PRKCZ: variants seen among roughly 807,000 people sequenced by gnomAD.
PRKCZ encodes protein kinase C zeta type.
PRKCZ carries 33 observed loss-of-function variants against 79.5 expected under a neutral mutation model. That is an observed-to-expected ratio of 0.41 (90% CI 0.31 to 0.55). The LOEUF is 0.55. Among genes scored for constraint, PRKCZ ranks in the 20% least tolerant of loss-of-function variants. PRKCZ has a pLI of 0.19. For synonymous variants in PRKCZ, 342 were observed against 320.9 expected, an observed-to-expected ratio of 1.07 and a Z score of -0.70; for missense variants, 578 against 813.5, an observed-to-expected ratio of 0.71 and a Z score of 3.52.
At chr1:2,062,241 G>T (rs1176910593) in intron 4 of PRKCZ, among the ~76,000 whole-genome samples, 1 of 152,106 alleles carries the variant, frequency 6.6e-6, no homozygotes, top group Admixed American at 6.6e-5. Context: ...GGAACCCCGT[G>T]CCCGTCATCG....
intron 4 of PRKCZ, chr1:2,104,990 T>C (rs1668128719): frequency 1.1e-6 from 1 of 912,298 alleles, no homozygotes; most frequent in Admixed American, 6.2e-5. Flanking sequence ...CCACCCTGGC[T>C]TGTTGACCTT....
intron 10 of PRKCZ, among the ~76,000 whole-genome samples, chr1:2,159,489 G>A (rs1334517253): frequency 1.3e-5 from 2 of 152,232 alleles, no homozygotes; most frequent in Admixed American, 6.5e-5. Flanking sequence ...CACAGCTCCC[G>A]GGCCATATCC....
At position 2,050,411 on chromosome 1, in the gene PRKCZ, G is replaced by T. The variant is rs1222470710; in HGVS notation, c.-220G>T. On this transcript the variant is annotated 5_prime_UTR_variant, in exon 1 of 18. Transcript: ENST00000378567. ...CGCTGGCTCCACCTCGGTCCGCCAT[G>T]TTCGGACACCGCCCCCCGCCCCCGC... 2 of 181,668 alleles carry T rather than the reference G, an allele frequency of 1.1e-5. No individual in the cohort carries two copies. The highest frequency in any genetic ancestry group is 2.1e-3 in the Middle Eastern group (1 of 472). 11.3% of individuals were successfully genotyped at this position (181,668 alleles called of 1,614,324 possible).
At chr1:2,103,354 AT>A (rs1667824568) in intron 4 of PRKCZ, among the ~76,000 whole-genome samples, 1 of 152,224 alleles carries the variant, frequency 6.6e-6, no homozygotes, top group Non-Finnish European at 1.5e-5. Flanking sequence ...GTAAGGGTTT[AT>A]TTATCAAGAC....
chr1:2,139,684 A>G (rs1228828689), intron 5 of PRKCZ, among the ~76,000 whole-genome samples: 2 of 152,224 alleles, frequency 1.3e-5, no homozygotes, highest in Non-Finnish European at 2.9e-5. Context: ...TGGGACAGGC[A>G]TGGACCCTAC....
chr1:2,150,388 T>G (rs895558777), intron 8 of PRKCZ, among the ~76,000 whole-genome samples: 17 of 152,296 alleles, frequency 1.1e-4, no homozygotes, highest in African/African-American at 3.8e-4. Context: ...GCATTCGCTT[T>G]ACCTTCCTTC....
intron 1 of PRKCZ, among the ~76,000 whole-genome samples, chr1:2,053,259 C>T (rs1332857914): frequency 6.6e-6 from 1 of 152,126 alleles, no homozygotes; most frequent in Non-Finnish European, 1.5e-5. Flanking sequence ...CGCCACCACG[C>T]CCGGTTAACT....
intron 10 of PRKCZ, chr1:2,169,266 C>G (rs893290605): frequency 1.9e-6 from 1 of 534,976 alleles, no homozygotes; most frequent in Non-Finnish European, 3.6e-6. Context: ...CAAGTCCACA[C>G]ACAGTGGCCA....
chr1:2,055,491 G>A lies in PRKCZ; in HGVS notation c.122G>A (p.Cys41Tyr), dbSNP rs564900644. 7.4e-6 allele frequency: 12 copies of A among 1,614,100 alleles called. No individual in the cohort carries two copies. In the South Asian group the frequency reaches 1.2e-4, roughly 16 times the overall value. ...GCCGCCACGACCTTCGAGGAGCTCT[G>A]TGAGGAAGTGAGAGACATGTGTCGT... ...VDAATTFEEL[C>Y]EEVRDMCRLH... The change falls in exon 2 of 18, where the codon TGT becomes TAT. Residue 41 changes from cysteine (C) to tyrosine (Y), a missense_variant. Physicochemically the swap from Cys to Tyr is radical, Grantham distance 194 (BLOSUM62 -2). Around this residue, in one of 4 missense-constraint regions of PRKCZ, gnomAD observed 228 missense variants for 211.6 expected, o/e 1.08. Coordinates refer to ENST00000378567, the MANE Select transcript of PRKCZ (RefSeq NM_002744.6).
Position 2,135,323 on chromosome 1 carries a change from C to G in PRKCZ, c.396C>G (p.Leu132=). The change falls in exon 5 of 18, where the codon CTC becomes CTG. Residue 132 remains leucine, a synonymous_variant. Transcript: ENST00000378567. The part of the protein sequence containing the change: ...WRKLYRANGH[L]FQAKRFNRRA... ...AGCTGTACCGTGCCAACGGCCACCTCTTCCAAGCCAAGCGCTTTAACAGGG... is the reference window on the plus strand; with the variant it reads ...AGCTGTACCGTGCCAACGGCCACCTGTTCCAAGCCAAGCGCTTTAACAGGG... The G allele has an allele frequency of 6.2e-7, 1 of 1,613,256 alleles. No individual in the cohort carries two copies. The highest frequency in any genetic ancestry group is 8.5e-7 in the Non-Finnish European group (1 of 1,179,684).
rs1661096061 is a variant in PRKCZ, at chr1:2,066,034, A to G, written c.334+6443A>G. On this transcript the variant is annotated intron_variant, in intron 4 of 17. Coordinates refer to ENST00000378567, the MANE Select transcript of PRKCZ (RefSeq NM_002744.6). ...GCTCTTGGTGTGTAATTTTCTTGAT[A>G]TGCTGCCGAATTCATTTTACTAGTA... Among the ~76,000 whole-genome samples the G allele has an allele frequency of 2.6e-5, 4 of 152,166 alleles. No homozygotes were observed. The South Asian group carries it at 8.3e-4, about 32-fold the overall frequency.
At chr1:2,097,413 C>T (rs571890746) in intron 4 of PRKCZ, among the ~76,000 whole-genome samples, 9 of 152,304 alleles carry the variant, frequency 5.9e-5, no homozygotes, top group South Asian at 4.1e-4. Context: ...GGCCAGTGCC[C>T]CCCTGTGCTC....
chr1:2,078,812 C>G (rs1330592992), intron 4 of PRKCZ, among the ~76,000 whole-genome samples: 1 of 148,632 alleles, frequency 6.7e-6, no homozygotes, highest in Non-Finnish European at 1.5e-5. Context: ...TGTTCCCGTT[C>G]TTGTCTTTCG....
chr1:2,079,435 G>A (rs1402038082), intron 4 of PRKCZ, among the ~76,000 whole-genome samples: 1 of 152,246 alleles, frequency 6.6e-6, no homozygotes. Flanking sequence ...AACCCCAAGG[G>A]CTGGGCTTAA....
rs77527318 is a variant in PRKCZ at position 2,072,017 on chromosome 1, C to T, written c.334+12426C>T. Among the ~76,000 whole-genome samples, 474 of 152,348 alleles carry T rather than the reference C, an allele frequency of 3.1e-3. 23 individuals are homozygous for T. The East Asian group carries it at 0.078, about 25-fold the overall frequency. On this transcript the variant is annotated intron_variant, in intron 4 of 17. Transcript: ENST00000378567. ...TTCATTTTATTCAGCCAATTAAAAG[C>T]GTAGAAATCCTAGCTTGCTGATTTG... is the stretch of plus-strand genomic sequence containing the variant.
At chr1:2,171,266 C>T (rs1368813338) in intron 11 of PRKCZ, among the ~76,000 whole-genome samples, 1 of 149,036 alleles carries the variant, frequency 6.7e-6, no homozygotes, top group Non-Finnish European at 1.5e-5. Context: ...TGGCGTGAAC[C>T]TGTGGGCAGA....
At position 2,172,880 on chromosome 1, in the gene PRKCZ, G is replaced by T. The variant is rs372992449; in HGVS notation, c.1285+492G>T. 5.2e-3 allele frequency among the ~76,000 whole-genome samples: 786 copies of T among 152,324 alleles called. 10 individuals carry two copies. The highest frequency in any genetic ancestry group is 0.018 in the African/African-American group (745 of 41,572). ...GGCACGCGTGTGCAGCCGTGTGTGCGTGTGTGAAACGGGGACGTGGGCACG... is the reference window on the plus strand; with the variant it reads ...GGCACGCGTGTGCAGCCGTGTGTGCTTGTGTGAAACGGGGACGTGGGCACG... On this transcript the variant is annotated intron_variant, in intron 13 of 17. Coordinates refer to ENST00000378567, the MANE Select transcript of PRKCZ (RefSeq NM_002744.6). This position sits in a 1 kb window ranked among gnomAD's most constrained non-coding sequence, Gnocchi z 7.8.
At chr1:2,138,391 A>G (rs1205769787) in intron 5 of PRKCZ, among the ~76,000 whole-genome samples, 1 of 152,044 alleles carries the variant, frequency 6.6e-6, no homozygotes. Context: ...CTGAAGAAGG[A>G]GGTGAGGAGG....
At chr1:2,089,009 A>G (rs1424060378) in intron 4 of PRKCZ, among the ~76,000 whole-genome samples, 1 of 152,208 alleles carries the variant, frequency 6.6e-6, no homozygotes, top group East Asian at 1.9e-4. Context: ...ATTAGTTTTT[A>G]TAGAAAATAC....
Sources: gnomAD v4.1 joint callset for allele counts (sites outside exome capture counted in the v4.1 genomes callset) on GRCh38, gnomAD v4.1.1 for gene constraint, gnomAD v4.1.1 regional missense constraint, Gnocchi (gnomAD v3.1) non-coding constraint, MANE v1.5 for transcripts, NCBI Gene and HGNC (gene_info 2026-07-23, HGNC 2026-07-21) for gene names.